The following UBAC2 variants were observed in gnomAD, a reference collection of about 807,000 sequenced individuals.
UBAC2 encodes UBA domain containing 2, also known as ubiquitin-associated domain-containing protein 2.
UBAC2 carries 26 observed loss-of-function variants against 44.0 expected under a neutral mutation model. That is an observed-to-expected ratio of 0.59 (90% CI 0.43 to 0.82). The LOEUF is 0.82. Among genes scored for constraint, UBAC2 ranks in the 40% least tolerant of loss-of-function variants. The pLI is 0.00. For missense variants in UBAC2, 329 were observed against 419.4 expected, an observed-to-expected ratio of 0.78 and a Z score of 1.88; for synonymous variants, 155 against 154.3, an observed-to-expected ratio of 1.00 and a Z score of -0.04.
chr13:99,380,951 C>T (rs979006024), intron 8 of UBAC2, among the ~76,000 whole-genome samples: 16 of 152,354 alleles, frequency 1.1e-4, no homozygotes, highest in Admixed American at 8.5e-4. Flanking sequence ...GGATGAAGAG[C>T]GAGCCCGCTG....
chr13:99,267,835 A>G (rs919024881), intron 4 of UBAC2, among the ~76,000 whole-genome samples: 2 of 152,184 alleles, frequency 1.3e-5, no homozygotes, highest in African/African-American at 4.8e-5. Flanking sequence ...GTAATGGTGG[A>G]GGCTAAGCTT....
At chr13:99,222,452 T>C (rs2043061616) in intron 1 of UBAC2, among the ~76,000 whole-genome samples, 1 of 152,178 alleles carries the variant, frequency 6.6e-6, no homozygotes, top group South Asian at 2.1e-4. Flanking sequence ...CCTAAGTGCT[T>C]AATAAATGTT....
chr13:99,213,045 T>C (rs963420492), intron 1 of UBAC2, among the ~76,000 whole-genome samples: 1 of 152,214 alleles, frequency 6.6e-6, no homozygotes, highest in African/African-American at 2.4e-5. Context: ...TTTTAGACTT[T>C]TTCTGTGTAC....
At chr13:99,256,053 T>C in intron 4 of UBAC2, 1 of 567,064 alleles carries the variant, frequency 1.8e-6, no homozygotes, top group East Asian at 3.0e-5. Context: ...CTACTGAACA[T>C]TCACAGTAAT....
chr13:99,314,280 T>TG, intron 5 of UBAC2, 60 bp downstream of exon 5: 1 of 1,440,534 alleles, frequency 6.9e-7, no homozygotes, highest in East Asian at 2.3e-5. Context: ...TTTTTTTTTT[T>TG]GGTCTTTTTC....
intron 1 of UBAC2, among the ~76,000 whole-genome samples, chr13:99,217,646 T>A (rs901948037): frequency 3.3e-5 from 5 of 152,218 alleles, no homozygotes; most frequent in African/African-American, 1.2e-4. Context: ...TCAGCTGCGC[T>A]GATGGGTGCC....
chr13:99,349,601 CA>C (rs569731965), intron 7 of UBAC2, among the ~76,000 whole-genome samples: 78 of 152,268 alleles, frequency 5.1e-4, no homozygotes, highest in African/African-American at 1.5e-3. Flanking sequence ...AATCACAGGA[CA>C]GGGGGGCCCT....
intron 4 of UBAC2, among the ~76,000 whole-genome samples, chr13:99,304,539 G>C (rs2044303496): frequency 6.6e-6 from 1 of 152,170 alleles, no homozygotes; most frequent in African/African-American, 2.4e-5. Context: ...ATTAGTTAAA[G>C]AATAGCAACA....
intron 1 of UBAC2, among the ~76,000 whole-genome samples, chr13:99,218,836 T>G (rs945865620): frequency 2.0e-5 from 3 of 152,216 alleles, no homozygotes; most frequent in Non-Finnish European, 4.4e-5. Context: ...CACTCATTCC[T>G]CCTTAACGTG....
At chr13:99,265,676 C>T (rs1257063176) in intron 4 of UBAC2, among the ~76,000 whole-genome samples, 1 of 152,212 alleles carries the variant, frequency 6.6e-6, no homozygotes, top group Non-Finnish European at 1.5e-5. Context: ...TAGAGTAGTG[C>T]TTCACCCAGC....
chr13:99,369,570 G>A (rs2045378626), intron 8 of UBAC2, among the ~76,000 whole-genome samples: 1 of 152,170 alleles, frequency 6.6e-6, no homozygotes, highest in African/African-American at 2.4e-5. Flanking sequence ...ATATTCAGTA[G>A]GTTAAGTGTA....
In UBAC2 at chr13:99,200,883, TC is replaced by T; in HGVS notation, c.-25del. On this transcript the variant is annotated 5_prime_UTR_variant, in exon 1 of 9. Coordinates refer to ENST00000403766, the MANE Select transcript of UBAC2 (RefSeq NM_001144072.2). The stretch of plus-strand genomic sequence containing the variant: ...TTCAGCTTCCCCTCCCCCGGCGCCC[TC>T]TGGGGCTCCGAGCCCGGCGGGACCA... 1.5e-6 allele frequency: 2 copies of T among 1,301,982 alleles called. No homozygotes were observed. The highest frequency in any genetic ancestry group is 2.0e-6 in the Non-Finnish European group (2 of 1,016,946). 80.7% of individuals were successfully genotyped at this position (1,301,982 alleles called of 1,614,324 possible).
chr13:99,247,206 T>G (rs9517661), intron 4 of UBAC2, among the ~76,000 whole-genome samples: 20,082 of 90,736 alleles, frequency 0.22, 1,511 homozygotes, highest in East Asian at 0.43. Context: ...TTTTTTTTTT[T>G]TTGTTTTGTT....
At chr13:99,365,908 G>C in intron 7 of UBAC2, among the ~76,000 whole-genome samples, 1 of 151,942 alleles carries the variant, frequency 6.6e-6, no homozygotes, top group Admixed American at 6.6e-5. Flanking sequence ...GTGTTTTGAT[G>C]CCATTGTGTT....
intron 6 of UBAC2, among the ~76,000 whole-genome samples, chr13:99,319,287 T>C (rs1327191468): frequency 1.3e-5 from 2 of 152,228 alleles, no homozygotes; most frequent in East Asian, 1.9e-4. Context: ...TTTATAAAAA[T>C]AAATTTTAAC....
chr13:99,265,893 A>G (rs2043737470), intron 4 of UBAC2, among the ~76,000 whole-genome samples: 1 of 152,214 alleles, frequency 6.6e-6, no homozygotes, highest in South Asian at 2.1e-4. Flanking sequence ...GGCAAGTTAA[A>G]AAGGTTTCGT....
chr13:99,254,859 A>G (rs757815333), intron 4 of UBAC2: 9 of 1,585,150 alleles, frequency 5.7e-6, no homozygotes, highest in Non-Finnish European at 8.6e-7. Context: ...TGGGATTGAA[A>G]TGAAAGAACC....
intron 1 of UBAC2, among the ~76,000 whole-genome samples, chr13:99,206,291 T>C (rs377138443): frequency 7.9e-5 from 12 of 152,082 alleles, no homozygotes; most frequent in African/African-American, 2.2e-4. Context: ...GGGGGGACAG[T>C]TGGAAGCTGA....
intron 4 of UBAC2, chr13:99,296,199 G>A (rs1356594559): frequency 3.4e-6 from 5 of 1,492,006 alleles, no homozygotes; most frequent in Admixed American, 2.3e-5. Context: ...ATAAGTAAAA[G>A]CATATGTATT....
Sources: allele counts gnomAD v4.1 joint callset (sites outside exome capture counted in the v4.1 genomes callset), GRCh38; gene constraint gnomAD v4.1.1; transcripts MANE v1.5; gene names NCBI Gene and HGNC (gene_info 2026-07-23, HGNC 2026-07-21).